The following AGMO variants were observed in gnomAD, a reference collection of about 807,000 sequenced individuals.
AGMO encodes the protein alkylglycerol monooxygenase.
Under a neutral mutation model 60.2 loss-of-function variants are expected in AGMO, and 75 were observed. That is an observed-to-expected ratio of 1.25 (90% CI 1.03 to 1.51). AGMO has a LOEUF of 1.51. Among genes scored for constraint, AGMO ranks in the 40% most tolerant of loss-of-function variants. The pLI, the probability that AGMO is intolerant of heterozygous loss-of-function variation, is 0.00. For synonymous variants in AGMO, 261 were observed against 177.1 expected (o/e 1.47, Z -3.76); for missense variants, 763 against 525.5 (o/e 1.45, Z -4.42).
intron 12 of AGMO, among the ~76,000 whole-genome samples, chr7:15,324,524 C>G (rs2128541421): frequency 6.6e-6 from 1 of 152,160 alleles, no homozygotes; most frequent in South Asian, 2.1e-4. Context: ...GCTTCAGACC[C>G]CTACATGGCC....
At chr7:15,251,728 G>A (rs1583329690) in intron 12 of AGMO, among the ~76,000 whole-genome samples, 2 of 152,176 alleles carry the variant, frequency 1.3e-5, no homozygotes, top group Admixed American at 1.3e-4. Context: ...AGTCCTTGCA[G>A]CAGCCATGTA....
intron 5 of AGMO, among the ~76,000 whole-genome samples, chr7:15,408,912 G>A (rs1016743649): frequency 6.6e-6 from 1 of 151,812 alleles, no homozygotes; most frequent in Admixed American, 6.6e-5. Flanking sequence ...CTGGGGAAGG[G>A]AGAATTTGAG....
chr7:15,447,446 C>G (rs1041608545), intron 3 of AGMO, among the ~76,000 whole-genome samples: 3 of 152,196 alleles, frequency 2.0e-5, no homozygotes, highest in African/African-American at 7.2e-5. Flanking sequence ...TGTTTAAGAA[C>G]CATTGAACCC....
intron 12 of AGMO, among the ~76,000 whole-genome samples, chr7:15,278,651 C>G (rs1199653160): frequency 1.2e-4 from 19 of 152,164 alleles, no homozygotes; most frequent in Non-Finnish European, 2.2e-4. Flanking sequence ...TAATACACAG[C>G]CTGCTTGCAT....
At chr7:15,313,591 A>G (rs1248138599) in intron 12 of AGMO, among the ~76,000 whole-genome samples, 1 of 152,150 alleles carries the variant, frequency 6.6e-6, no homozygotes, top group African/African-American at 2.4e-5. Flanking sequence ...AAATTGCTTC[A>G]TGAACTCAAA....
Position 15,544,893 on chromosome 7 carries a change from A to T in AGMO, c.288T>A (p.Ser96Arg). 6.3e-7 allele frequency: 1 copy of T among 1,591,046 alleles called. No homozygotes were observed. Among genetic ancestry groups the T allele is most frequent in the Non-Finnish European group, 8.6e-7 (1 of 1,167,440 alleles). ...TGTAGTTCTCCCAGATATAAATATA[A>T]CTGGTCAGTTCAATGCTCCTGAAAA... is the stretch of plus-strand genomic sequence containing the variant. ...SLFFRSIELT[S>R]YIYIWENYRL... The change falls in exon 3 of 13, where the codon AGT becomes AGA. Residue 96 changes from serine (S) to arginine (R), a missense_variant. Coordinates refer to ENST00000342526, the MANE Select transcript of AGMO (RefSeq NM_001004320.2).
chr7:15,346,851 GTAGT>G (rs1782052124), intron 12 of AGMO, among the ~76,000 whole-genome samples: 1 of 139,984 alleles, frequency 7.1e-6, no homozygotes, highest in Non-Finnish European at 1.5e-5. Flanking sequence ...GTTTAAATTA[GTAGT>G]AAGTAACTAT....
intron 12 of AGMO, among the ~76,000 whole-genome samples, chr7:15,341,636 C>A (rs1461691517): frequency 6.6e-6 from 1 of 152,146 alleles, no homozygotes; most frequent in Non-Finnish European, 1.5e-5. Context: ...ACTTTTACAG[C>A]AGCACACCAC....
At chr7:15,548,015 C>T (rs1216406098) in intron 2 of AGMO, among the ~76,000 whole-genome samples, 2 of 147,646 alleles carry the variant, frequency 1.4e-5, no homozygotes, top group Non-Finnish European at 3.1e-5. Flanking sequence ...ACCCCTGACA[C>T]CGGAGCAGCC....
chr7:15,310,114 CA>C (rs1358057756), intron 12 of AGMO, among the ~76,000 whole-genome samples: 7 of 152,114 alleles, frequency 4.6e-5, no homozygotes, highest in Admixed American at 2.6e-4. Flanking sequence ...CTGCTATGAG[CA>C]AACACATAGC....
chr7:15,361,546 A>AAAAAAAAAGAAAAG (rs1554261757), intron 12 of AGMO, among the ~76,000 whole-genome samples: 1,390 of 91,430 alleles, frequency 0.015, 163 homozygotes, highest in African/African-American at 0.058. Flanking sequence ...TCTCAAAAAA[A>AAAAAAAAAGAAAAG]AAAAAAAAGG....
intron 12 of AGMO, among the ~76,000 whole-genome samples, chr7:15,362,444 A>G (rs1367789489): frequency 1.3e-5 from 2 of 152,034 alleles, no homozygotes; most frequent in Admixed American, 1.3e-4. Flanking sequence ...AATAATAATA[A>G]TAGTAACACT....
chr7:15,229,716 TATTATATATAAATTATATATTATA>T (rs1782198824), intron 12 of AGMO, among the ~76,000 whole-genome samples: 1 of 121,852 alleles, frequency 8.2e-6, no homozygotes, highest in Admixed American at 7.8e-5. Context: ...ATATATATTA[TATTATATATAAATTATATATTATA>T]ATATATATAA....
Position 15,358,646 on chromosome 7 carries a change from T to C in AGMO, c.1263+6868A>G, listed in dbSNP as rs115076966. Among the ~76,000 whole-genome samples, 775 of 152,152 alleles carry C rather than the reference T, an allele frequency of 5.1e-3. 10 individuals carry two copies. Among genetic ancestry groups the C allele is most frequent in the African/African-American group, 0.018 (728 of 41,518 alleles). On this transcript the variant is annotated intron_variant, in intron 12 of 12. Transcript: ENST00000342526. ...GAGCTTAGCAGGGACTTCTGAACCA[T>C]TGAGAAGGAAGCAACCCAAACCCAC...
At chr7:15,300,903 T>C (rs1784545074) in intron 12 of AGMO, among the ~76,000 whole-genome samples, 1 of 152,138 alleles carries the variant, frequency 6.6e-6, no homozygotes, top group South Asian at 2.1e-4. Flanking sequence ...CATGCCAAAA[T>C]TTTAGTGTCA....
At chr7:15,507,614 T>A (rs1470291769) in intron 3 of AGMO, among the ~76,000 whole-genome samples, 1 of 152,120 alleles carries the variant, frequency 6.6e-6, no homozygotes, top group Non-Finnish European at 1.5e-5. Context: ...AATTGCAGCG[T>A]CATAACTTTA....
rs181707191 is a variant in AGMO, at chr7:15,546,037, G to A, written c.258-1114C>T. Among the ~76,000 whole-genome samples the A allele has an allele frequency of 2.9e-3, 437 of 152,140 alleles. 2 individuals are homozygous for A. The highest frequency in any genetic ancestry group is 9.7e-3 in the African/African-American group (402 of 41,536). ...ACTACCAAAATTTTTTATTTTTACA[G>A]TATTTCCCTTCACAGAGTCAGTTTC... On this transcript the variant is annotated intron_variant, in intron 2 of 12. Transcript: ENST00000342526.
intron 12 of AGMO, among the ~76,000 whole-genome samples, chr7:15,209,779 G>A (rs977081775): frequency 6.6e-6 from 1 of 151,742 alleles, no homozygotes; most frequent in Non-Finnish European, 1.5e-5. Flanking sequence ...CTGCTTTCCT[G>A]AGAGACACCT....
intron 12 of AGMO, among the ~76,000 whole-genome samples, chr7:15,360,265 G>T (rs1782698195): frequency 6.6e-6 from 1 of 152,144 alleles, no homozygotes; most frequent in Non-Finnish European, 1.5e-5. Flanking sequence ...TTCAAAGGAA[G>T]TATTACATCG....
Sources: gnomAD v4.1 joint callset for allele counts (sites outside exome capture counted in the v4.1 genomes callset) on GRCh38, gnomAD v4.1.1 for gene constraint, MANE v1.5 for transcripts, NCBI Gene and HGNC (gene_info 2026-07-23, HGNC 2026-07-21) for gene names.